The following MAGI3 variants were observed in gnomAD, a reference collection of about 807,000 sequenced individuals.
MAGI3 encodes membrane associated guanylate kinase, WW and PDZ domain containing 3, also known as membrane-associated guanylate kinase, WW and PDZ domain-containing protein 3.
Under a neutral mutation model 121.8 loss-of-function variants are expected in MAGI3, and 43 were observed. The observed-to-expected ratio is 0.35, with a 90% confidence interval of 0.28 to 0.46. The LOEUF is 0.46. MAGI3 is among the 20% of genes least tolerant of loss of function. The probability of loss-of-function intolerance (pLI) is 1.00; values close to 1 mark genes in which losing one functional copy is unlikely to be tolerated. For synonymous variants in MAGI3, 553 were observed against 639.3 expected (o/e 0.86, Z 2.04); for missense variants, 1,547 against 1,797.3 (o/e 0.86, Z 2.52).
chr1:113,623,039 C>A (rs1204346027), intron 9 of MAGI3, 45 bp downstream of exon 9: 43 of 1,269,748 alleles, frequency 3.4e-5, no homozygotes, highest in South Asian at 1.0e-4. Flanking sequence ...GATACTATAA[C>A]AAAAATTATA....
In MAGI3 at chr1:113,659,292, C is replaced by T. The variant is rs745491698; in HGVS notation, c.2815+27C>T. On this transcript the variant is annotated intron_variant, in intron 16 of 20. Coordinates refer to ENST00000307546, the MANE Select transcript of MAGI3 (RefSeq NM_001142782.2). Reference sequence around the variant, plus strand: ...TAAGGAGCCAGTAGACGCGCCTGCCCCAAGCTGATCTGAGAGGCACAAAGC... The same window carrying T: ...TAAGGAGCCAGTAGACGCGCCTGCCTCAAGCTGATCTGAGAGGCACAAAGC... 7.5e-6 allele frequency: 12 copies of T among 1,606,924 alleles called. No homozygotes were observed. The South Asian group carries it at 1.3e-4, about 18-fold the overall frequency.
intron 2 of MAGI3, among the ~76,000 whole-genome samples, chr1:113,566,987 C>G (rs1660458071): frequency 1.3e-5 from 2 of 148,398 alleles, no homozygotes; most frequent in East Asian, 2.0e-4. Context: ...AGAAAAAAAT[C>G]AACCAAACCA....
chr1:113,671,838 TG>T lies in MAGI3; in HGVS notation c.2918+6del. 1.2e-6 allele frequency: 2 copies of T among 1,613,760 alleles called. No individual in the cohort carries two copies. Among genetic ancestry groups the T allele is most frequent in the South Asian group, 2.2e-5 (2 of 91,042 alleles). On this transcript the variant is annotated splice_donor_region_variant and intron_variant, in intron 17 of 20. Transcript: ENST00000307546. Reference sequence around the variant, plus strand: ...GGCCAACCACATACCTGGGGACAGGTGGGGCTATTTTCAGGTTTTTGTTTTT... The same window carrying T: ...GGCCAACCACATACCTGGGGACAGGTGGGCTATTTTCAGGTTTTTGTTTTT...
At chr1:113,441,785 A>C (rs1281012300) in intron 1 of MAGI3, among the ~76,000 whole-genome samples, 1 of 152,236 alleles carries the variant, frequency 6.6e-6, no homozygotes, top group Non-Finnish European at 1.5e-5. Flanking sequence ...AGTTAAGAAC[A>C]TGGAAGATTC....
At chr1:113,539,336 T>C (rs1659162513) in intron 1 of MAGI3, among the ~76,000 whole-genome samples, 1 of 149,394 alleles carries the variant, frequency 6.7e-6, no homozygotes, top group Admixed American at 6.7e-5. Context: ...GAGGTTGCAG[T>C]GAGCCAAGAT....
chr1:113,547,054 A>G lies in MAGI3; in HGVS notation c.317-2461A>G, dbSNP rs551698887. Reference sequence around the variant, plus strand: ...GCCAAGATTGTGCCACTGCACTCCAACCTGGGCGACAGAGTGAGACTCCAT... The same window carrying G: ...GCCAAGATTGTGCCACTGCACTCCAGCCTGGGCGACAGAGTGAGACTCCAT... On this transcript the variant is annotated intron_variant, in intron 1 of 20. Transcript: ENST00000307546. Among the ~76,000 whole-genome samples the G allele has an allele frequency of 4.1e-3, 622 of 150,278 alleles. 4 individuals carry two copies. The highest frequency in any genetic ancestry group is 0.014 in the African/African-American group (595 of 41,106).
At position 113,641,055 on chromosome 1, in the gene MAGI3, T is replaced by A. The variant is rs1434106843; in HGVS notation, c.1361-856T>A. On this transcript the variant is annotated intron_variant, in intron 9 of 20. Transcript: ENST00000307546. The stretch of plus-strand genomic sequence containing the variant: ...TGATATATATAATATATATGATATA[T>A]TATATATGATATATATAATATATAT... Among the ~76,000 whole-genome samples, 4 of 80,638 alleles carry A rather than the reference T, an allele frequency of 5.0e-5. 1 individual carries two copies. The highest frequency in any genetic ancestry group is 3.4e-4 in the South Asian group (1 of 2,944). 52.9% of individuals were successfully genotyped at this position (80,638 alleles called of 152,430 possible). A position where few individuals can be genotyped will look rare whatever the true frequency, so the allele number is the denominator to read the frequency against.
chr1:113,636,231 G>C (rs1243518113), intron 9 of MAGI3, among the ~76,000 whole-genome samples: 4 of 152,004 alleles, frequency 2.6e-5, no homozygotes, highest in African/African-American at 4.8e-5. Flanking sequence ...ATTTCCTTCA[G>C]TTCTGTTCTG....
At chr1:113,487,741 T>C (rs1214258169) in intron 1 of MAGI3, among the ~76,000 whole-genome samples, 2 of 151,630 alleles carry the variant, frequency 1.3e-5, no homozygotes, top group Non-Finnish European at 2.9e-5. Flanking sequence ...ATAATACCTA[T>C]TGACATCTGT....
At chr1:113,394,367 A>G (rs538415518) in intron 1 of MAGI3, among the ~76,000 whole-genome samples, 2 of 152,256 alleles carry the variant, frequency 1.3e-5, no homozygotes, top group East Asian at 3.9e-4. Context: ...GCTTGGCTCG[A>G]TTAGTTACTT....
At chr1:113,489,335 C>A (rs1375374714) in intron 1 of MAGI3, among the ~76,000 whole-genome samples, 1 of 152,120 alleles carries the variant, frequency 6.6e-6, no homozygotes, top group African/African-American at 2.4e-5. Flanking sequence ...TTCACCTATA[C>A]CACAGTCAAA....
chr1:113,524,788 G>A (rs1658376160), intron 1 of MAGI3, among the ~76,000 whole-genome samples: 2 of 151,990 alleles, frequency 1.3e-5, no homozygotes, highest in Non-Finnish European at 2.9e-5. Context: ...AGACATGATT[G>A]GTTTTGAAAT....
intron 2 of MAGI3, among the ~76,000 whole-genome samples, chr1:113,551,221 G>A (rs1427262572): frequency 1.3e-5 from 2 of 152,104 alleles, no homozygotes; most frequent in Admixed American, 1.3e-4. Context: ...CTGTTACTAG[G>A]ATTTAAAATG....
At chr1:113,527,564 A>G (rs904160192) in intron 1 of MAGI3, among the ~76,000 whole-genome samples, 8 of 152,328 alleles carry the variant, frequency 5.3e-5, no homozygotes, top group Admixed American at 5.2e-4. Flanking sequence ...TCAGCATTCA[A>G]TACAACTTCA....
chr1:113,637,192 G>T (rs1652091890), intron 9 of MAGI3, among the ~76,000 whole-genome samples: 1 of 152,042 alleles, frequency 6.6e-6, no homozygotes, highest in Admixed American at 6.6e-5. Context: ...CAATTTGCCA[G>T]TCTGTGTCTT....
chr1:113,527,699 C>A (rs1271281243), intron 1 of MAGI3, among the ~76,000 whole-genome samples: 2 of 152,030 alleles, frequency 1.3e-5, no homozygotes, highest in African/African-American at 4.8e-5. Context: ...GAAGATGTTG[C>A]TGATTATTTT....
chr1:113,591,354 C>T (rs919660232), intron 5 of MAGI3, among the ~76,000 whole-genome samples: 5 of 151,898 alleles, frequency 3.3e-5, no homozygotes, highest in African/African-American at 1.2e-4. Flanking sequence ...AAGTAATTTG[C>T]CCAAAGGTAG....
rs920872212 is a variant in MAGI3, at chr1:113,391,724, A to C, written c.316+375A>C. Among the ~76,000 whole-genome samples the C allele has an allele frequency of 1.3e-5, 2 of 152,172 alleles. No individual in the cohort carries two copies. Among genetic ancestry groups the C allele is most frequent in the African/African-American group, 4.8e-5 (2 of 41,438 alleles). The stretch of plus-strand genomic sequence containing the variant: ...GGATTGTAACATTTTCTTTGGAACG[A>C]TCTTACGCATCTTCTAACAGGGAAA... On this transcript the variant is annotated intron_variant, in intron 1 of 20. Transcript: ENST00000307546. The surrounding 1 kb of genome is among the most constrained non-coding windows in gnomAD (Gnocchi z 4.4).
chr1:113,538,730 A>G (rs973702371), intron 1 of MAGI3, among the ~76,000 whole-genome samples: 3 of 152,178 alleles, frequency 2.0e-5, no homozygotes, highest in African/African-American at 7.2e-5. Context: ...CTTGTCTAGA[A>G]TGATGATTTC....
Sources: allele counts gnomAD v4.1 joint callset (sites outside exome capture counted in the v4.1 genomes callset), GRCh38; gene constraint gnomAD v4.1.1; non-coding constraint Gnocchi (gnomAD v3.1); transcripts MANE v1.5; gene names NCBI Gene and HGNC (gene_info 2026-07-23, HGNC 2026-07-21).